GPR26: variants seen among roughly 807,000 people sequenced by gnomAD.
GPR26 encodes G protein-coupled receptor 26.
A neutral mutation model predicts 23.1 loss-of-function variants in GPR26; 15 were observed. The observed-to-expected ratio is 0.65, with a 90% CI of 0.43 to 1.00. The LOEUF (loss-of-function observed/expected upper bound fraction) is 1.00, where lower values mean the gene tolerates loss of function less well. Among genes scored for constraint, GPR26 ranks in the 50% least tolerant of loss-of-function variants. The pLI is 0.00. For missense variants in GPR26, 359 were observed against 470.5 expected (o/e 0.76, Z 2.19); for synonymous variants, 228 against 222.1 (o/e 1.03, Z -0.24).
In GPR26 at chr10:123,692,287, T is replaced by C. The variant is rs903441173; in HGVS notation, c.*4127T>C. 2 of 152,302 alleles carry C rather than the reference T, an allele frequency of 1.3e-5. No individual in the cohort carries two copies. The highest frequency in any genetic ancestry group is 4.8e-5 in the African/African-American group (2 of 41,468). The allele number at this position is 152,302 out of a possible 1,614,324, so 9.4% of individuals were successfully genotyped here. A position where few individuals can be genotyped will look rare whatever the true frequency, so the allele number is the denominator to read the frequency against. ...TCAAACTCTACTGGGGCAGCCTGGC[T>C]GTGGGAGGTGATGACATCTGCCACC... On this transcript the variant is annotated 3_prime_UTR_variant, in exon 3 of 3. Coordinates refer to ENST00000284674, the MANE Select transcript of GPR26 (RefSeq NM_153442.4).
intron 2 of GPR26, among the ~76,000 whole-genome samples, chr10:123,679,214 C>T (rs1216953056): frequency 6.6e-6 from 1 of 152,176 alleles, no homozygotes; most frequent in Non-Finnish European, 1.5e-5. Context: ...AGGCAAAGGA[C>T]CCTCTAAGCT....
At chr10:123,675,057 G>A (rs1372799003) in intron 2 of GPR26, 126 bp downstream of exon 2, 1 of 615,088 alleles carries the variant, frequency 1.6e-6, no homozygotes, top group Non-Finnish European at 2.9e-6. Flanking sequence ...GGGCAAGAGT[G>A]AACTTGCCAG....
At position 123,690,561 on chromosome 10, in the gene GPR26, C is replaced by G. The variant is rs1417672206; in HGVS notation, c.*2401C>G. ...GAAAAGATGCTTTTCATAATTTTCA[C>G]TATACCTCTAAAACCAATTGTACCG... On this transcript the variant is annotated 3_prime_UTR_variant, in exon 3 of 3. Transcript: ENST00000284674. 5 of 152,168 alleles carry G rather than the reference C, an allele frequency of 3.3e-5. No individual in the cohort carries two copies. The highest frequency in any genetic ancestry group is 7.3e-5 in the Non-Finnish European group (5 of 68,040). The allele number at this position is 152,168 out of a possible 1,614,324, so 9.4% of individuals were successfully genotyped here. A position where few individuals can be genotyped will look rare whatever the true frequency, so the allele number is the denominator to read the frequency against.
At chr10:123,673,252 G>A (rs1428702826) in intron 1 of GPR26, among the ~76,000 whole-genome samples, 1 of 152,206 alleles carries the variant, frequency 6.6e-6, no homozygotes, top group East Asian at 1.9e-4. Flanking sequence ...TTGTCCATCT[G>A]TGATAGGAAA....
chr10:123,691,396 G>T lies in GPR26; in HGVS notation c.*3236G>T, dbSNP rs2133934227. The T allele has an allele frequency of 6.6e-6, 1 of 152,296 alleles. No individual in the cohort carries two copies. The highest frequency in any genetic ancestry group is 1.5e-5 in the Non-Finnish European group (1 of 68,026). The allele number at this position is 152,296 out of a possible 1,614,324, so 9.4% of individuals were successfully genotyped here. A position where few individuals can be genotyped will look rare whatever the true frequency, so the allele number is the denominator to read the frequency against. ...AATAAAACTCTCTCCTTATGTCTGTGAAATTCGTTTTCTTTTTCATGGTGC... is the reference window on the plus strand; with the variant it reads ...AATAAAACTCTCTCCTTATGTCTGTTAAATTCGTTTTCTTTTTCATGGTGC... On this transcript the variant is annotated 3_prime_UTR_variant, in exon 3 of 3. Coordinates refer to ENST00000284674, the MANE Select transcript of GPR26 (RefSeq NM_153442.4).
At position 123,688,847 on chromosome 10, in the gene GPR26, G is replaced by C. The variant is rs1050089843; in HGVS notation, c.*687G>C. The stretch of plus-strand genomic sequence containing the variant: ...CTTCCCCCTAAAAGCGAATGTTTGT[G>C]TGTGCAGACAATCTTAGCATGAAAA... On this transcript the variant is annotated 3_prime_UTR_variant, in exon 3 of 3. Coordinates refer to ENST00000284674, the MANE Select transcript of GPR26 (RefSeq NM_153442.4). The C allele has an allele frequency of 6.5e-6, 1 of 152,992 alleles. No homozygotes were observed. The highest frequency in any genetic ancestry group is 1.5e-5 in the Non-Finnish European group (1 of 68,674). 9.5% of individuals were successfully genotyped at this position (152,992 alleles called of 1,614,324 possible).
At chr10:123,681,344 T>C (rs965756210) in intron 2 of GPR26, among the ~76,000 whole-genome samples, 4 of 152,168 alleles carry the variant, frequency 2.6e-5, no homozygotes, top group Non-Finnish European at 4.4e-5. Flanking sequence ...GGGAGACACG[T>C]TGAGGCACAA....
Sources: gnomAD v4.1 joint callset for allele counts (sites outside exome capture counted in the v4.1 genomes callset) on GRCh38, gnomAD v4.1.1 for gene constraint, MANE v1.5 for transcripts, NCBI Gene and HGNC (gene_info 2026-07-23, HGNC 2026-07-21) for gene names.